Variants in SYNE1 observed in about 807,000 individuals in gnomAD.
The protein encoded by SYNE1 is spectrin repeat containing nuclear envelope protein 1, also known as nesprin-1.
Under a neutral mutation model 1,111.0 loss-of-function variants are expected in SYNE1, and 616 were observed. The ratio of observed to expected loss-of-function variants is 0.55; its 90% CI spans 0.52 to 0.59. SYNE1 has a LOEUF of 0.59. Ranked by LOEUF, SYNE1 falls within the 20% of genes least tolerant of loss-of-function variation. The pLI, the probability that SYNE1 is intolerant of heterozygous loss-of-function variation, is 0.00. For synonymous variants in SYNE1, 3,855 were observed against 3,825.8 expected, an observed-to-expected ratio of 1.01 and a Z score of -0.28; for missense variants, 10,006 against 10,417.0, an observed-to-expected ratio of 0.96 and a Z score of 1.72.
At position 152,430,109 on chromosome 6, in the gene SYNE1, TAC is replaced by T; in HGVS notation, c.4788+1_4788+2del. The T allele has an allele frequency of 6.4e-7, 1 of 1,574,236 alleles. No homozygotes were observed. The highest frequency in any genetic ancestry group is 8.7e-7 in the Non-Finnish European group (1 of 1,148,826). On this transcript the variant is annotated splice_donor_variant, in intron 36 of 145. Coordinates refer to ENST00000367255, the MANE Select transcript of SYNE1 (RefSeq NM_182961.4). LOFTEE classifies it high-confidence loss of function. Reference sequence around the variant, plus strand: ...TAGTAGAAATGTTGAAGCATACTCTTACCATATGTTCTTGAAGAACTTTGTAT... The same window carrying T: ...TAGTAGAAATGTTGAAGCATACTCTTCATATGTTCTTGAAGAACTTTGTAT...
At chr6:152,255,220 A>T (rs2090522021) in intron 103 of SYNE1, 131 bp from the exon 104 acceptor site, 1 of 814,332 alleles carries the variant, frequency 1.2e-6, no homozygotes, top group Non-Finnish European at 2.0e-6. Context: ...AGACAACTGG[A>T]ACCTCTTTCA....
At chr6:152,596,291 G>A (rs1215629321) in intron 3 of SYNE1, among the ~76,000 whole-genome samples, 1 of 128,954 alleles carries the variant, frequency 7.8e-6, no homozygotes, top group East Asian at 2.2e-4. Flanking sequence ...TTTTTGAGAT[G>A]ACGTCTCACT....
At chr6:152,412,866 T>G (rs1563823463) in intron 42 of SYNE1, among the ~76,000 whole-genome samples, 1 of 142,840 alleles carries the variant, frequency 7.0e-6, no homozygotes, top group African/African-American at 2.9e-5. Flanking sequence ...TTTTTTTTTT[T>G]GGTGAGAAGG....
chr6:152,422,649 C>A (rs1284582110), intron 39 of SYNE1, among the ~76,000 whole-genome samples: 1 of 152,098 alleles, frequency 6.6e-6, no homozygotes, highest in African/African-American at 2.4e-5. Context: ...ACTACAGGTA[C>A]ATGCCACCAT....
chr6:152,482,865 CAGG>C lies in SYNE1; in HGVS notation c.1350+217_1350+219del, dbSNP rs371431317. 1.6e-3 allele frequency among the ~76,000 whole-genome samples: 236 copies of C among 152,252 alleles called. 1 individual carries two copies. The highest frequency in any genetic ancestry group is 5.4e-3 in the African/African-American group (226 of 41,536). ...AGCTGCAGATGAAAAAAATACCACA[CAGG>C]TATGGAAAATATCTCAGGAAGTCAA... On this transcript the variant is annotated intron_variant, in intron 14 of 145. Transcript: ENST00000367255.
Position 152,239,515 on chromosome 6 carries a change from T to G in SYNE1, c.20067+18A>C, listed in dbSNP as rs186247729. The G allele has an allele frequency of 1.3e-4, 209 of 1,614,114 alleles. No homozygotes were observed. Among genetic ancestry groups the G allele is most frequent in the Non-Finnish European group, 1.7e-4 (200 of 1,179,992 alleles). ...CAGGAAGTTTGCAGCACAGAAGATA[T>G]GACATCAATGGTCTCACCTCTAGAA... On this transcript the variant is annotated intron_variant, in intron 108 of 145. Coordinates refer to ENST00000367255, the MANE Select transcript of SYNE1 (RefSeq NM_182961.4).
Position 152,331,564 on chromosome 6 carries a change from C to T in SYNE1, c.13121G>A (p.Ser4374Asn), listed in dbSNP as rs1563133098. The change falls in exon 78 of 146, where the codon AGC (serine) becomes AAC (asparagine). Residue 4374 changes from serine to asparagine, a missense_variant. Physicochemically the swap from Ser to Asn is conservative, Grantham distance 46. Around this residue, in one of 7 missense-constraint regions of SYNE1, gnomAD observed 4,955 missense variants for 5,017.2 expected, o/e 0.99. Coordinates refer to ENST00000367255, the MANE Select transcript of SYNE1 (RefSeq NM_182961.4). The stretch of plus-strand genomic sequence containing the variant: ...GTTCTGAGCCATATCTGGAGGAGGG[C>T]TCTGCTTAAGGGCCTCGGCGATGTT... ...QPNIAEALKQ[S>N]PPPDMAQNLL... The T allele has an allele frequency of 6.2e-7, 1 of 1,614,162 alleles. No individual in the cohort carries two copies. The highest frequency in any genetic ancestry group is 8.5e-7 in the Non-Finnish European group (1 of 1,180,028).
chr6:152,442,457 T>C (rs2098540616), intron 30 of SYNE1, among the ~76,000 whole-genome samples: 1 of 152,224 alleles, frequency 6.6e-6, no homozygotes, highest in Non-Finnish European at 1.5e-5. Context: ...GTAAACAACA[T>C]AAATAATTTG....
In SYNE1 at chr6:152,526,614, C is replaced by T. The variant is rs550850975; in HGVS notation, c.130-439G>A. On this transcript the variant is annotated intron_variant, in intron 4 of 145. Transcript: ENST00000367255. ...CACATTACTGGGGCTTAACAAGGTG[C>T]AGCCCTTCTATAGGACATTCTCACC... 5.9e-5 allele frequency among the ~76,000 whole-genome samples: 9 copies of T among 152,350 alleles called. No homozygotes were observed. The South Asian group carries it at 1.9e-3, about 32-fold the overall frequency.
chr6:152,168,124 G>A (rs1308192339), intron 130 of SYNE1: 7 of 779,838 alleles, frequency 9.0e-6, no homozygotes, highest in African/African-American at 3.4e-5. Context: ...TTGTGACATC[G>A]CAGTTACAAT....
At chr6:152,388,538 A>G (rs2097558325) in intron 53 of SYNE1, among the ~76,000 whole-genome samples, 1 of 152,182 alleles carries the variant, frequency 6.6e-6, no homozygotes, top group African/African-American at 2.4e-5. Flanking sequence ...GGCTTAAGCA[A>G]TCTGCCTAAC....
At chr6:152,380,799 A>G (rs1339613492) in intron 56 of SYNE1, among the ~76,000 whole-genome samples, 1 of 152,248 alleles carries the variant, frequency 6.6e-6, no homozygotes, top group Non-Finnish European at 1.5e-5. Context: ...CCTACCGCAA[A>G]TAATAACCCA....
At position 152,350,901 on chromosome 6, in the gene SYNE1, G is replaced by A. The variant is rs980152176; in HGVS notation, c.11581-131C>T. 4.7e-6 allele frequency: 5 copies of A among 1,054,330 alleles called. No homozygotes were observed. In the African/African-American group the frequency reaches 6.3e-5, roughly 13 times the overall value. The allele number at this position is 1,054,330 out of a possible 1,614,324, so 65.3% of individuals were successfully genotyped here. On this transcript the variant is annotated intron_variant, in intron 70 of 145. Transcript: ENST00000367255. ...TGTTCATATTTATGAAGCAATAGGT[G>A]CAAGACATTAAAGAGAGAGTGATTT...
intron 100 of SYNE1, among the ~76,000 whole-genome samples, chr6:152,263,198 G>C (rs1236975877): frequency 6.6e-6 from 1 of 151,902 alleles, no homozygotes; most frequent in Non-Finnish European, 1.5e-5. Flanking sequence ...CAGGGCGTGG[G>C]AAGGTAGTGC....
intron 98 of SYNE1, chr6:152,277,595 C>A (rs1248893977): frequency 1.6e-5 from 3 of 189,048 alleles, no homozygotes; most frequent in East Asian, 1.3e-4. Flanking sequence ...GCCCACATTC[C>A]TTTTTCACCA....
At chr6:152,367,902 A>G (rs751843148) in intron 61 of SYNE1, 4 of 159,516 alleles carry the variant, frequency 2.5e-5, no homozygotes, top group Non-Finnish European at 5.6e-5. Flanking sequence ...AGCTCTCAAA[A>G]TATTCATATA....
intron 91 of SYNE1, among the ~76,000 whole-genome samples, chr6:152,305,330 A>G (rs1241210681): frequency 6.6e-6 from 1 of 152,108 alleles, no homozygotes; most frequent in East Asian, 1.9e-4. Flanking sequence ...CAGTGACACA[A>G]TCTTGGCTCA....
intron 105 of SYNE1, among the ~76,000 whole-genome samples, chr6:152,245,784 T>C (rs1452207843): frequency 6.6e-6 from 1 of 152,150 alleles, no homozygotes; most frequent in Non-Finnish European, 1.5e-5. Flanking sequence ...AGTGAAGAGC[T>C]GCTTAAAGGA....
Position 152,284,113 on chromosome 6 carries a change from G to A in SYNE1, c.18072C>T (p.Leu6024=), listed in dbSNP as rs749375364. Residue 6024 remains leucine, a synonymous_variant, in exon 96 of 146, where the codon CTC becomes CTT. Coordinates refer to ENST00000367255, the MANE Select transcript of SYNE1 (RefSeq NM_182961.4). ...QDEINELQSS[L]AEELVSESCE... is the part of the protein sequence containing the mutation. Reference sequence around the variant, plus strand: ...AAGACTCGGATACCAGCTCCTCTGCGAGAGAGGACTGGAGCTCATTGATTT... The same window carrying A: ...AAGACTCGGATACCAGCTCCTCTGCAAGAGAGGACTGGAGCTCATTGATTT... 7 of 1,614,148 alleles carry A rather than the reference G, an allele frequency of 4.3e-6. No individual in the cohort carries two copies. Among genetic ancestry groups the A allele is most frequent in the Admixed American group, 1.7e-5 (1 of 60,020 alleles).
Sources: allele counts gnomAD v4.1 joint callset (sites outside exome capture counted in the v4.1 genomes callset), GRCh38; gene constraint gnomAD v4.1.1; regional missense constraint gnomAD v4.1.1; transcripts MANE v1.5; gene names NCBI Gene and HGNC (gene_info 2026-07-23, HGNC 2026-07-21).